The following TMTC1 variants were observed in gnomAD, a reference collection of about 807,000 sequenced individuals.
The protein encoded by TMTC1 is protein O-mannosyl-transferase TMTC1.
Under a neutral mutation model 104.8 loss-of-function variants are expected in TMTC1, and 73 were observed. That is an observed-to-expected ratio of 0.70 (90% CI 0.58 to 0.85). The LOEUF is 0.85. TMTC1 is among the 40% of genes least tolerant of loss of function. The pLI, the probability that TMTC1 is intolerant of heterozygous loss-of-function variation, is 0.00. For synonymous variants in TMTC1, 434 were observed against 428.7 expected (o/e 1.01, Z -0.15); for missense variants, 1,035 against 1,096.1 (o/e 0.94, Z 0.79).
At chr12:29,627,126 A>C (rs1938042282) in intron 6 of TMTC1, among the ~76,000 whole-genome samples, 1 of 152,162 alleles carries the variant, frequency 6.6e-6, no homozygotes, top group Non-Finnish European at 1.5e-5. Context: ...ATAAAAAATA[A>C]AAACTTTTGT....
chr12:29,680,825 G>A (rs1940889645), intron 5 of TMTC1, among the ~76,000 whole-genome samples: 1 of 152,072 alleles, frequency 6.6e-6, no homozygotes, highest in African/African-American at 2.4e-5. Context: ...AACTAAATAA[G>A]CAATGAAGGT....
chr12:29,643,912 TATAAATATATATAA>T (rs1035556154), intron 5 of TMTC1, among the ~76,000 whole-genome samples: 11 of 109,104 alleles, frequency 1.0e-4, no homozygotes, highest in African/African-American at 3.3e-4. Context: ...TAAAATTATA[TATAAATATATATAA>T]ATAAATATAT....
At chr12:29,622,865 C>A (rs1382450029) in intron 6 of TMTC1, among the ~76,000 whole-genome samples, 1 of 152,174 alleles carries the variant, frequency 6.6e-6, no homozygotes, top group Non-Finnish European at 1.5e-5. Context: ...GCCAACTGAG[C>A]TCTTCCGTGA....
chr12:29,565,128 G>A lies in TMTC1; in HGVS notation c.1532+6977C>T, dbSNP rs576882044. Among the ~76,000 whole-genome samples the A allele has an allele frequency of 8.5e-5, 13 of 152,278 alleles. No individual in the cohort carries two copies. In the South Asian group the frequency reaches 1.2e-3, roughly 15 times the overall value. ...CAAGTCCAAAATCTGCAGGGTAGGC[G>A]GCAGGCTGGGGACCCAGGGAGGAGC... On this transcript the variant is annotated intron_variant, in intron 9 of 17. Transcript: ENST00000539277.
At chr12:29,590,364 C>G (rs1265724004) in intron 7 of TMTC1, among the ~76,000 whole-genome samples, 1 of 152,224 alleles carries the variant, frequency 6.6e-6, no homozygotes, top group African/African-American at 2.4e-5. Context: ...ACACAAGACA[C>G]TATAACCCAC....
intron 5 of TMTC1, among the ~76,000 whole-genome samples, chr12:29,739,743 C>G (rs537547377): frequency 1.2e-4 from 18 of 151,996 alleles, no homozygotes; most frequent in African/African-American, 4.3e-4. Context: ...GGGTCTTGCT[C>G]TGTTGCCCAG....
At chr12:29,712,421 C>T (rs1488004566) in intron 5 of TMTC1, among the ~76,000 whole-genome samples, 3 of 152,002 alleles carry the variant, frequency 2.0e-5, no homozygotes, top group South Asian at 4.2e-4. Context: ...TCCCTTTACG[C>T]TAAAATATTA....
intron 11 of TMTC1, chr12:29,534,507 T>C (rs1268548568): frequency 6.6e-6 from 1 of 152,232 alleles, no homozygotes; most frequent in Non-Finnish European, 1.5e-5. Flanking sequence ...CTATGTAAAA[T>C]GCAATAACTT....
At chr12:29,689,053 T>C (rs1941184267) in intron 5 of TMTC1, among the ~76,000 whole-genome samples, 1 of 152,162 alleles carries the variant, frequency 6.6e-6, no homozygotes. Context: ...TCCTGTCTCC[T>C]TGAGCTTGAA....
chr12:29,561,406 T>C (rs1945374067), intron 9 of TMTC1, among the ~76,000 whole-genome samples: 2 of 152,176 alleles, frequency 1.3e-5, no homozygotes, highest in Admixed American at 1.3e-4. Context: ...AGAAGTGAAA[T>C]AAACTCAATA....
intron 5 of TMTC1, among the ~76,000 whole-genome samples, chr12:29,705,328 G>A (rs996277986): frequency 1.3e-5 from 2 of 152,208 alleles, no homozygotes; most frequent in African/African-American, 4.8e-5. Context: ...AGCTGCCTTG[G>A]CATAAGGATT....
intron 17 of TMTC1, 23 bp from the exon 18 acceptor site, chr12:29,507,009 A>G (rs751035548): frequency 1.3e-5 from 21 of 1,606,388 alleles, no homozygotes; most frequent in Non-Finnish European, 1.8e-5. Context: ...AAGAGGGAGC[A>G]ATTACATTCT....
chr12:29,781,105 T>C (rs1335658686), intron 1 of TMTC1, among the ~76,000 whole-genome samples: 1 of 69,366 alleles, frequency 1.4e-5, no homozygotes, highest in East Asian at 5.0e-4. Context: ...ATCACTGATA[T>C]CCTCCAGCTT....
intron 10 of TMTC1, among the ~76,000 whole-genome samples, chr12:29,545,745 A>G (rs1944927110): frequency 6.6e-6 from 1 of 151,974 alleles, no homozygotes; most frequent in Non-Finnish European, 1.5e-5. Flanking sequence ...TAGAAAATGC[A>G]TTATCTACTT....
chr12:29,635,511 C>T (rs1345444326), intron 5 of TMTC1, among the ~76,000 whole-genome samples: 1 of 152,142 alleles, frequency 6.6e-6, no homozygotes, highest in Admixed American at 6.5e-5. Context: ...TCAATGACTG[C>T]TTAAATTATC....
At chr12:29,546,356 C>T (rs1161949195) in intron 10 of TMTC1, among the ~76,000 whole-genome samples, 2 of 152,112 alleles carry the variant, frequency 1.3e-5, no homozygotes, top group African/African-American at 4.8e-5. Flanking sequence ...AGAGGCAAGG[C>T]ATGAAAACAC....
intron 10 of TMTC1, among the ~76,000 whole-genome samples, chr12:29,554,800 A>C (rs1434895916): frequency 1.3e-5 from 2 of 152,160 alleles, no homozygotes; most frequent in Admixed American, 6.6e-5. Flanking sequence ...AGCCATAATA[A>C]CACCACTGAA....
intron 5 of TMTC1, among the ~76,000 whole-genome samples, chr12:29,653,628 T>C (rs1385783656): frequency 6.6e-5 from 10 of 152,168 alleles, no homozygotes; most frequent in African/African-American, 2.4e-4. Flanking sequence ...ATCTACACAA[T>C]CTCAATGAAT....
chr12:29,526,458 G>A (rs757787923), intron 11 of TMTC1, among the ~76,000 whole-genome samples: 7 of 152,194 alleles, frequency 4.6e-5, no homozygotes, highest in South Asian at 2.1e-4. Flanking sequence ...ACATTTTAGT[G>A]AGAGCTGATT....
Sources: allele counts gnomAD v4.1 joint callset (sites outside exome capture counted in the v4.1 genomes callset), GRCh38; gene constraint gnomAD v4.1.1; transcripts MANE v1.5; gene names NCBI Gene and HGNC (gene_info 2026-07-23, HGNC 2026-07-21).